The following TNFRSF11A variants were observed in gnomAD, a reference collection of about 807,000 sequenced individuals.
TNFRSF11A encodes the protein tumor necrosis factor receptor superfamily member 11A.
TNFRSF11A carries 32 observed loss-of-function variants against 55.7 expected under a neutral mutation model. The observed-to-expected ratio is 0.57, with a 90% CI of 0.43 to 0.77. The LOEUF is 0.77. Ranked by LOEUF, TNFRSF11A falls within the 30% of genes least tolerant of loss-of-function variation. The pLI is 0.00. For synonymous variants in TNFRSF11A, 311 were observed against 331.0 expected (o/e 0.94, Z 0.65); for missense variants, 753 against 809.8 (o/e 0.93, Z 0.85).
intron 1 of TNFRSF11A, among the ~76,000 whole-genome samples, chr18:62,327,249 C>T (rs1600339382): frequency 6.6e-6 from 1 of 152,024 alleles, no homozygotes; most frequent in African/African-American, 2.4e-5. Context: ...ATTCCCACGG[C>T]GGAGATTTGA....
rs372291426 is a variant in TNFRSF11A at position 62,384,791 on chromosome 18, C to T, written c.1608C>T (p.Ser536=). The T allele has an allele frequency of 9.3e-6, 15 of 1,612,582 alleles. No individual in the cohort carries two copies. The highest frequency in any genetic ancestry group is 3.3e-5 in the Admixed American group (2 of 59,842). ...TGNSNSTFIS[S]GQVMNFKGDI... ...ACAGTAACTCCACGTTCATCTCCAG[C>T]GGGCAGGTGATGAACTTCAAGGGCG... The change falls in exon 10 of 10, where the codon AGC becomes AGT. Residue 536 remains serine, a synonymous_variant. Transcript: ENST00000586569.
chr18:62,369,045 A>G lies in TNFRSF11A; in HGVS notation c.1128A>G (p.Glu376=). 1 of 1,614,132 alleles carries G rather than the reference A, an allele frequency of 6.2e-7. No individual in the cohort carries two copies. The highest frequency in any genetic ancestry group is 8.5e-7 in the Non-Finnish European group (1 of 1,180,012). The change falls in exon 9 of 10, where the codon GAA becomes GAG. Residue 376 remains glutamate, a synonymous_variant. Transcript: ENST00000586569. ...PGSKSTPPFS[E]PLEVGENDSL... ...GCAAATCCACACCTCCTTTCTCTGA[A>G]CCCCTGGAGGTGGGGGAGAATGACA...
At chr18:62,327,559 T>C (rs1427103730) in intron 1 of TNFRSF11A, among the ~76,000 whole-genome samples, 1 of 152,230 alleles carries the variant, frequency 6.6e-6, no homozygotes, top group Non-Finnish European at 1.5e-5. Flanking sequence ...GCTCTCTCTG[T>C]ATTCAATGAC....
chr18:62,390,360 A>C lies in TNFRSF11A; in HGVS notation c.*5326A>C, dbSNP rs987885508. ...TTAAAAGACTATGATTAAAATGGGC[A>C]TCAGTGTAGGCAACATGTAGGGCGC... On this transcript the variant is annotated 3_prime_UTR_variant, in exon 10 of 10. Transcript: ENST00000586569. 1 of 152,248 alleles carries C rather than the reference A, an allele frequency of 6.6e-6. No individual in the cohort carries two copies. Among genetic ancestry groups the C allele is most frequent in the African/African-American group, 2.4e-5 (1 of 41,470 alleles). The allele number at this position is 152,248 out of a possible 1,614,324, so 9.4% of individuals were successfully genotyped here. A position where few individuals can be genotyped will look rare whatever the true frequency, so the allele number is the denominator to read the frequency against.
rs2046059459 is a variant in TNFRSF11A at position 62,325,527 on chromosome 18, G to T, written c.75+100G>T. The T allele has an allele frequency of 1.3e-6, 1 of 746,296 alleles. No homozygotes were observed. Among genetic ancestry groups the T allele is most frequent in the Non-Finnish European group, 1.7e-6 (1 of 578,042 alleles). 46.2% of individuals were successfully genotyped at this position (746,296 alleles called of 1,614,324 possible). On this transcript the variant is annotated intron_variant, in intron 1 of 9. Coordinates refer to ENST00000586569, the MANE Select transcript of TNFRSF11A (RefSeq NM_003839.4). The surrounding 1 kb of genome is among the most constrained non-coding windows in gnomAD (Gnocchi z 4.7). Reference sequence around the variant, plus strand: ...CGGCATCCTGGCTCCTCCGCCTTCCGAGAGGAGCCGGAGTTTTGGGGAGCG... The same window carrying T: ...CGGCATCCTGGCTCCTCCGCCTTCCTAGAGGAGCCGGAGTTTTGGGGAGCG...
At chr18:62,331,834 T>C (rs2046158976) in intron 1 of TNFRSF11A, among the ~76,000 whole-genome samples, 1 of 152,226 alleles carries the variant, frequency 6.6e-6, no homozygotes, top group Non-Finnish European at 1.5e-5. Flanking sequence ...TCCCTTCCTC[T>C]GTGTCCAGTG....
At chr18:62,331,594 C>G (rs1168331225) in intron 1 of TNFRSF11A, among the ~76,000 whole-genome samples, 2 of 152,178 alleles carry the variant, frequency 1.3e-5, no homozygotes, top group African/African-American at 4.8e-5. Context: ...AGCGTAGAGA[C>G]AGAGCTCTTA....
At chr18:62,379,234 A>G (rs575821816) in intron 9 of TNFRSF11A, among the ~76,000 whole-genome samples, 32 of 152,290 alleles carry the variant, frequency 2.1e-4, no homozygotes, top group Admixed American at 1.2e-3. Context: ...TAGGTACTCA[A>G]TCTATCTCCA....
chr18:62,375,870 G>A (rs1910857483), intron 9 of TNFRSF11A, among the ~76,000 whole-genome samples: 1 of 152,110 alleles, frequency 6.6e-6, no homozygotes, highest in African/African-American at 2.4e-5. Flanking sequence ...GTGGTAGCAT[G>A]TACCTGTAGT....
At chr18:62,356,742 C>T (rs1024471525) in intron 4 of TNFRSF11A, among the ~76,000 whole-genome samples, 1 of 152,162 alleles carries the variant, frequency 6.6e-6, no homozygotes, top group African/African-American at 2.4e-5. Flanking sequence ...CTTGTCACCT[C>T]GTTCAGCATC....
In TNFRSF11A at chr18:62,361,635, T is replaced by A. The variant is rs757358860; in HGVS notation, c.617-45T>A. On this transcript the variant is annotated intron_variant, in intron 6 of 9. Transcript: ENST00000586569. ...GGATTTGTTTTTCAACTGCGTAAAA[T>A]TAAAGAATCTTTACTACCATATTTC... The A allele has an allele frequency of 2.6e-6, 4 of 1,548,082 alleles. No homozygotes were observed. In the East Asian group the frequency reaches 9.0e-5, roughly 35 times the overall value.
intron 8 of TNFRSF11A, among the ~76,000 whole-genome samples, chr18:62,367,788 C>CTTTTTTTTTTTTTTTTTTTTTTT (rs67721371): frequency 1.4e-4 from 11 of 78,670 alleles, no homozygotes; most frequent in Non-Finnish European, 2.1e-4. Flanking sequence ...TCTTCTTCTT[C>CTTTTTTTTTTTTTTTTTTTTTTT]TTTTTTTTTT....
At position 62,385,692 on chromosome 18, in the gene TNFRSF11A, AC is replaced by A. The variant is rs1430093266; in HGVS notation, c.*661del. ...CCCAGAGACACGGTCCCACCATGTT[AC>A]CCAGCCTGGTCTCAAACTCCCCAGC... On this transcript the variant is annotated 3_prime_UTR_variant, in exon 10 of 10. Coordinates refer to ENST00000586569, the MANE Select transcript of TNFRSF11A (RefSeq NM_003839.4). The A allele has an allele frequency of 1.5e-5, 2 of 133,124 alleles. No individual in the cohort carries two copies. The highest frequency in any genetic ancestry group is 5.5e-5 in the African/African-American group (2 of 36,516). 8.2% of individuals were successfully genotyped at this position (133,124 alleles called of 1,614,324 possible). A position where few individuals can be genotyped will look rare whatever the true frequency, so the allele number is the denominator to read the frequency against.
chr18:62,334,629 T>G (rs1479642133), intron 1 of TNFRSF11A, among the ~76,000 whole-genome samples: 2 of 152,246 alleles, frequency 1.3e-5, no homozygotes, highest in African/African-American at 2.4e-5. Context: ...ATCTGGGGAC[T>G]CTTCCCTTGA....
intron 4 of TNFRSF11A, among the ~76,000 whole-genome samples, chr18:62,355,761 A>G (rs557506548): frequency 2.0e-5 from 3 of 152,338 alleles, no homozygotes; most frequent in Admixed American, 6.5e-5. Context: ...TGTTTTTCCA[A>G]TTCATATATT....
rs1389397633 is a variant in TNFRSF11A, at chr18:62,358,313, T to C, written c.493T>C (p.Ser165Pro). 1 of 1,599,772 alleles carries C rather than the reference T, an allele frequency of 6.3e-7. No homozygotes were observed. Among genetic ancestry groups the C allele is most frequent in the Non-Finnish European group, 8.5e-7 (1 of 1,171,976 alleles). The stretch of plus-strand genomic sequence containing the variant: ...AGGCTACTTCTCTGATGCCTTTTCC[T>C]CCACGGACAAATGCAGACCCTGGAC... ...LAGYFSDAFSSTDKCRPWTNC... is the reference protein window; with the variant it reads ...LAGYFSDAFSPTDKCRPWTNC... Residue 165 changes from serine to proline, a missense_variant, in exon 5 of 10, where the codon TCC becomes CCC. Transcript: ENST00000586569.
At chr18:62,346,315 G>C (rs1403031795) in intron 1 of TNFRSF11A, among the ~76,000 whole-genome samples, 2 of 152,296 alleles carry the variant, frequency 1.3e-5, no homozygotes, top group Non-Finnish European at 1.5e-5. Flanking sequence ...TTGCATGGCC[G>C]CATGTAGTTT....
At chr18:62,340,121 G>C (rs2046290598) in intron 1 of TNFRSF11A, among the ~76,000 whole-genome samples, 1 of 151,936 alleles carries the variant, frequency 6.6e-6, no homozygotes, top group African/African-American at 2.4e-5. Flanking sequence ...GAACCCAGGA[G>C]GTCGAGGCTA....
At chr18:62,344,419 A>G (rs957359406) in intron 1 of TNFRSF11A, among the ~76,000 whole-genome samples, 1 of 152,220 alleles carries the variant, frequency 6.6e-6, no homozygotes, top group Non-Finnish European at 1.5e-5. Context: ...CATCTTAGGG[A>G]AAAAGAGGCA....
Sources: allele counts gnomAD v4.1 joint callset (sites outside exome capture counted in the v4.1 genomes callset), GRCh38; gene constraint gnomAD v4.1.1; non-coding constraint Gnocchi (gnomAD v3.1); transcripts MANE v1.5; gene names NCBI Gene and HGNC (gene_info 2026-07-23, HGNC 2026-07-21).